The following FETUB variants were observed in gnomAD, a reference collection of about 807,000 sequenced individuals.
The protein encoded by FETUB is fetuin-B.
In FETUB, 28 loss-of-function variants were observed where a neutral mutation model predicts 30.9. The observed-to-expected ratio is 0.90, with a 90% confidence interval of 0.67 to 1.24. The LOEUF (loss-of-function observed/expected upper bound fraction) is 1.24. Ranked by LOEUF, FETUB falls within the 50% of genes most tolerant of loss-of-function variation. The pLI is 0.00. For missense variants in FETUB, 469 were observed against 455.3 expected (o/e 1.03, Z -0.27); for synonymous variants, 186 against 175.9 (o/e 1.06, Z -0.45).
In FETUB at chr3:186,644,738, T is replaced by C; in HGVS notation, c.425-13T>C. 3 of 1,583,406 alleles carry C rather than the reference T, an allele frequency of 1.9e-6. No individual in the cohort carries two copies. The highest frequency in any genetic ancestry group is 1.7e-6 in the Non-Finnish European group (2 of 1,168,130). On this transcript the variant is annotated splice_polypyrimidine_tract_variant and intron_variant, in intron 3 of 6. Coordinates refer to ENST00000265029, the MANE Select transcript of FETUB (RefSeq NM_014375.3). Reference sequence around the variant, plus strand: ...TAATAGCATTTAAAAACTTATGTTATTGGCATCAACAGTTTCAAAAAAAAA... The same window carrying C: ...TAATAGCATTTAAAAACTTATGTTACTGGCATCAACAGTTTCAAAAAAAAA...
chr3:186,640,718 G>A (rs751781858), intron 1 of FETUB, 33 bp downstream of exon 1: 18 of 1,568,816 alleles, frequency 1.1e-5, no homozygotes, highest in Middle Eastern at 1.7e-4. Flanking sequence ...CTGGGGCAGG[G>A]ATGTGGGCAA....
upstream of FETUB, among the ~76,000 whole-genome samples, chr3:186,636,770 G>C (rs113096324): frequency 6.6e-6 from 1 of 152,180 alleles, no homozygotes; most frequent in Non-Finnish European, 1.5e-5. Flanking sequence ...AGTAAACGAC[G>C]TGATTTACAG....
rs776150518 is a variant in FETUB, at chr3:186,646,248, T to G, written c.595T>G (p.Trp199Gly). ...TGTCTCAACTCTTGTCTCATAACAG[T>G]GGGTGGTCGGCCCTTCTTACTTTGT... ...LFKVTRASSQ[W>G]VVGPSYFVEY... Residue 199 changes from tryptophan to glycine, a missense_variant and splice_region_variant, in exon 5 of 7, where the codon TGG becomes GGG. Trp to Gly is a radical substitution (Grantham distance 184). Coordinates refer to ENST00000265029, the MANE Select transcript of FETUB (RefSeq NM_014375.3). 3 of 1,608,896 alleles carry G rather than the reference T, an allele frequency of 1.9e-6. No homozygotes were observed. The Admixed American group carries it at 5.0e-5, about 27-fold the overall frequency.
chr3:186,641,008 A>T lies in FETUB; in HGVS notation c.226-22A>T. 3 of 1,497,866 alleles carry T rather than the reference A, an allele frequency of 2.0e-6. No individual in the cohort carries two copies. In the African/African-American group the frequency reaches 4.1e-5, roughly 21 times the overall value. 92.8% of individuals were successfully genotyped at this position (1,497,866 alleles called of 1,614,324 possible). On this transcript the variant is annotated intron_variant, in intron 1 of 6. Coordinates refer to ENST00000265029, the MANE Select transcript of FETUB (RefSeq NM_014375.3). ...TTCTACTTCCTGTGAAATGTATTGC[A>T]TTTCTCTACCCCTTCCCACAGGGTG...
intron 4 of FETUB, among the ~76,000 whole-genome samples, chr3:186,645,202 C>T (rs1717403389): frequency 6.6e-6 from 1 of 152,106 alleles, no homozygotes. Flanking sequence ...ATTATCCATA[C>T]GTTCACCACT....
upstream of FETUB, among the ~76,000 whole-genome samples, chr3:186,638,078 G>T (rs968671584): frequency 6.6e-6 from 1 of 152,132 alleles, no homozygotes; most frequent in Non-Finnish European, 1.5e-5. Flanking sequence ...TGGATTGACA[G>T]GTTAAGCAAA....
rs777668484 is a variant in FETUB, at chr3:186,652,541, G to C, written c.1059G>C (p.Leu353=). The change falls in exon 7 of 7, where the codon CTG becomes CTC. Residue 353 remains leucine (L), a synonymous_variant. Transcript: ENST00000265029. ...FLFLEPMEEK[L]VVLPFPKEKA... The stretch of plus-strand genomic sequence containing the variant: ...TCCTGGAGCCTATGGAGGAGAAGCT[G>C]GTGGTCCTGCCTTTCCCCAAAGAAA... 6.8e-6 allele frequency: 11 copies of C among 1,614,004 alleles called. No homozygotes were observed. The highest frequency in any genetic ancestry group is 9.3e-6 in the Non-Finnish European group (11 of 1,180,038).
chr3:186,651,579 C>A (rs1718042053), intron 6 of FETUB: 2 of 400,700 alleles, frequency 5.0e-6, no homozygotes, highest in South Asian at 7.0e-5. Flanking sequence ...AATTCAGCGT[C>A]CCAAAGAAAC....
chr3:186,644,720 A>G (rs200463844), intron 3 of FETUB, 31 bp from the exon 4 acceptor site: 7 of 1,550,374 alleles, frequency 4.5e-6, no homozygotes, highest in Middle Eastern at 1.7e-4. Context: ...AATTAATAGC[A>G]TTTAAAAACT....
intron 5 of FETUB, among the ~76,000 whole-genome samples, chr3:186,649,246 T>C (rs1022119071): frequency 6.6e-6 from 1 of 151,046 alleles, no homozygotes; most frequent in African/African-American, 2.4e-5. Flanking sequence ...TTTAATGGCT[T>C]TTCCCACTTT....
chr3:186,641,195 ACT>A (rs1317412668), intron 2 of FETUB, 55 bp downstream of exon 2: 7 of 1,038,030 alleles, frequency 6.7e-6, no homozygotes, highest in Non-Finnish European at 1.0e-5. Flanking sequence ...AAGTAGGTAC[ACT>A]CTTTCTACAG....
chr3:186,651,105 T>G, intron 5 of FETUB, 113 bp from the exon 6 acceptor site: 1 of 709,550 alleles, frequency 1.4e-6, no homozygotes, highest in Non-Finnish European at 2.5e-6. Flanking sequence ...ACCTGTTACA[T>G]AGTAGAAGCA....
At chr3:186,648,823 C>A (rs1014347804) in intron 5 of FETUB, among the ~76,000 whole-genome samples, 1 of 152,092 alleles carries the variant, frequency 6.6e-6, no homozygotes, top group Non-Finnish European at 1.5e-5. Context: ...TGTAGAAAGA[C>A]GATTGATTTT....
chr3:186,647,763 G>C (rs1717669810), intron 5 of FETUB, among the ~76,000 whole-genome samples: 1 of 151,962 alleles, frequency 6.6e-6, no homozygotes, highest in South Asian at 2.1e-4. Flanking sequence ...ATATTTTTAA[G>C]TATTTTTCTG....
rs1718167293 is a variant in FETUB at position 186,652,691 on chromosome 3, G to A, written c.*60G>A. On this transcript the variant is annotated 3_prime_UTR_variant, in exon 7 of 7. Coordinates refer to ENST00000265029, the MANE Select transcript of FETUB (RefSeq NM_014375.3). The stretch of plus-strand genomic sequence containing the variant: ...GCCGCATGACATGGGAGGCGATGGG[G>A]ACGATGGACAGAGACAGAGCGTGCA... 5.2e-6 allele frequency: 8 copies of A among 1,525,538 alleles called. No individual in the cohort carries two copies. The South Asian group carries it at 1.0e-4, about 20-fold the overall frequency. The allele number at this position is 1,525,538 out of a possible 1,614,324, so 94.5% of individuals were successfully genotyped here. A position where few individuals can be genotyped will look rare whatever the true frequency, so the allele number is the denominator to read the frequency against.
chr3:186,640,540 AC>A lies in FETUB; in HGVS notation c.84del (p.Ser29ArgfsTer34). The A allele has an allele frequency of 1.2e-6, 2 of 1,613,870 alleles. No individual in the cohort carries two copies. Among genetic ancestry groups the A allele is most frequent in the Non-Finnish European group, 1.7e-6 (2 of 1,179,966 alleles). On this transcript the variant is annotated frameshift_variant, in exon 1 of 7. Transcript: ENST00000265029. LOFTEE classifies it high-confidence loss of function. Reference sequence around the variant, plus strand: ...ATGTCTCCACCCCAGCTGGCCCTCAACCCCTCGGCTCTGCTCTCCCGGGGCT... The same window carrying A: ...ATGTCTCCACCCCAGCTGGCCCTCAACCCTCGGCTCTGCTCTCCCGGGGCT... ...GAMSPPQLAL[N>X]PSALLSRGCN...
At chr3:186,641,238 T>C (rs571711983) in intron 2 of FETUB, 98 bp downstream of exon 2, 14 of 717,848 alleles carry the variant, frequency 2.0e-5, no homozygotes, top group Admixed American at 1.1e-4. Flanking sequence ...TGTCATCTTT[T>C]AAATGGCCCA....
chr3:186,641,158 T>C lies in FETUB; in HGVS notation c.336+18T>C, dbSNP rs1284013739. 7 of 1,520,014 alleles carry C rather than the reference T, an allele frequency of 4.6e-6. No individual in the cohort carries two copies. Among genetic ancestry groups the C allele is most frequent in the Non-Finnish European group, 6.4e-6 (7 of 1,098,326 alleles). The allele number at this position is 1,520,014 out of a possible 1,614,324, so 94.2% of individuals were successfully genotyped here. On this transcript the variant is annotated intron_variant, in intron 2 of 6. Transcript: ENST00000265029. ...TTGAATCAGTGAGTGCTTGTTTTTATAAACCATTAAGGGCCCTAGGGAAAG... is the reference window on the plus strand; with the variant it reads ...TTGAATCAGTGAGTGCTTGTTTTTACAAACCATTAAGGGCCCTAGGGAAAG...
At chr3:186,637,720 A>C (rs570596063), upstream of FETUB, among the ~76,000 whole-genome samples, 3 of 152,370 alleles carry the variant, frequency 2.0e-5, no homozygotes, top group South Asian at 6.2e-4. Context: ...GTGGGAGACA[A>C]AGTGAGGACC....
Sources: gnomAD v4.1 joint callset for allele counts (sites outside exome capture counted in the v4.1 genomes callset) on GRCh38, gnomAD v4.1.1 for gene constraint, MANE v1.5 for transcripts, NCBI Gene and HGNC (gene_info 2026-07-23, HGNC 2026-07-21) for gene names.